Variants in GLIS3 observed in about 807,000 individuals in gnomAD.
GLIS3 encodes the protein zinc finger protein GLIS3.
In GLIS3, 53 loss-of-function variants were observed where a neutral mutation model predicts 78.6. That is an observed-to-expected ratio of 0.67 (90% CI 0.54 to 0.85). The LOEUF (loss-of-function observed/expected upper bound fraction) is 0.85, where lower values mean the gene tolerates loss of function less well. Ranked by LOEUF, GLIS3 falls within the 40% of genes least tolerant of loss-of-function variation. GLIS3 has a pLI of 0.00. For synonymous variants in GLIS3, 684 were observed against 509.9 expected (o/e 1.34, Z -4.60); for missense variants, 1,703 against 1,231.1 (o/e 1.38, Z -5.74).
At chr9:4,262,653 T>C (rs1291698890) in intron 2 of GLIS3, among the ~76,000 whole-genome samples, 1 of 152,148 alleles carries the variant, frequency 6.6e-6, no homozygotes, top group African/African-American at 2.4e-5. Context: ...TTTATTTCAT[T>C]CTTATATAGC....
chr9:4,146,271 T>C (rs1362770169), intron 2 of GLIS3, among the ~76,000 whole-genome samples: 2 of 152,174 alleles, frequency 1.3e-5, no homozygotes, highest in Non-Finnish European at 2.9e-5. Context: ...TTAATAAATA[T>C]CGATTATTTG....
chr9:4,163,262 ACACACACGCG>A (rs1372305537), intron 2 of GLIS3, among the ~76,000 whole-genome samples: 1 of 103,414 alleles, frequency 9.7e-6, no homozygotes, highest in African/African-American at 2.9e-5. Flanking sequence ...ACACACACAC[ACACACACGCG>A]CACGCGCGCA....
At chr9:4,343,700 C>T (rs2104768) in intron 2 of GLIS3, among the ~76,000 whole-genome samples, 85,440 of 152,162 alleles carry the variant, frequency 0.56, 24,666 homozygotes, top group African/African-American at 0.71. Context: ...AAAGAAAATG[C>T]GGTACATACA....
At chr9:4,096,423 C>G (rs1159173201) in intron 4 of GLIS3, among the ~76,000 whole-genome samples, 2 of 152,200 alleles carry the variant, frequency 1.3e-5, no homozygotes, top group South Asian at 4.1e-4. Flanking sequence ...TCATCCTGCA[C>G]ATAACTCCAG....
At chr9:4,287,312 G>A (rs529000373) in intron 1 of GLIS3, among the ~76,000 whole-genome samples, 1 of 152,196 alleles carries the variant, frequency 6.6e-6, no homozygotes, top group East Asian at 1.9e-4. Context: ...ATGACATTCA[G>A]TAAATCTACC....
chr9:4,429,807 G>C, the GLIS3 span, among the ~76,000 whole-genome samples: 1 of 152,152 alleles, frequency 6.6e-6, no homozygotes, highest in Non-Finnish European at 1.5e-5. Flanking sequence ...CCAAGGTGGA[G>C]ACTGATGCAG....
chr9:4,355,017 G>A, the GLIS3 span, among the ~76,000 whole-genome samples: 5 of 152,034 alleles, frequency 3.3e-5, no homozygotes, highest in African/African-American at 1.2e-4. Context: ...TCGGGAGGCT[G>A]AAGTGGGAGA....
At chr9:3,894,347 A>AACTT (rs1312157272) in intron 7 of GLIS3, among the ~76,000 whole-genome samples, 1 of 152,230 alleles carries the variant, frequency 6.6e-6, no homozygotes, top group East Asian at 1.9e-4. Context: ...ATAAATCTCT[A>AACTT]ACTTAATAAC....
chr9:4,263,286 G>A (rs981982204), intron 2 of GLIS3, among the ~76,000 whole-genome samples: 7 of 152,096 alleles, frequency 4.6e-5, no homozygotes, highest in East Asian at 1.9e-4. Context: ...GTGAGATCAC[G>A]TTTTTAAAAA....
the GLIS3 span, among the ~76,000 whole-genome samples, chr9:4,463,880 A>G: frequency 6.6e-6 from 1 of 152,190 alleles, no homozygotes; most frequent in African/African-American, 2.4e-5. Context: ...AGTCATTTGT[A>G]CGTGTGGTAT....
intron 4 of GLIS3, among the ~76,000 whole-genome samples, chr9:3,953,795 C>CTCTCTCTCTATATATATATATATA (rs1403671770): frequency 8.2e-5 from 6 of 73,338 alleles, no homozygotes; most frequent in African/African-American, 3.4e-4. Context: ...CTCTCTCTCT[C>CTCTCTCTCTATATATATATATATA]TATATATATA....
the GLIS3 span, among the ~76,000 whole-genome samples, chr9:4,451,142 G>C: frequency 6.6e-6 from 1 of 152,084 alleles, no homozygotes; most frequent in Non-Finnish European, 1.5e-5. Flanking sequence ...CAAAATAAAG[G>C]GATGGAGGAA....
rs144264321 is a variant in GLIS3 at position 3,831,372 on chromosome 9, C to T, written c.2474-1880G>A. Among the ~76,000 whole-genome samples the T allele has an allele frequency of 2.1e-3, 327 of 152,294 alleles. 1 individual carries two copies. Among genetic ancestry groups the T allele is most frequent in the African/African-American group, 7.4e-3 (308 of 41,556 alleles). ...TAATTGATCATCCAATATGAGCAAA[C>T]TGTAAACTCTCAAGCCCACAAAGAA... is the stretch of plus-strand genomic sequence containing the variant. On this transcript the variant is annotated intron_variant, in intron 9 of 10. Coordinates refer to ENST00000381971, the MANE Select transcript of GLIS3 (RefSeq NM_001042413.2).
intron 2 of GLIS3, among the ~76,000 whole-genome samples, chr9:4,190,238 T>C (rs915356437): frequency 1.3e-5 from 2 of 152,178 alleles, no homozygotes. Context: ...TACTCCGAGC[T>C]ACAGGAGGAA....
chr9:3,861,165 C>T (rs1820187021), intron 8 of GLIS3, among the ~76,000 whole-genome samples: 1 of 152,132 alleles, frequency 6.6e-6, no homozygotes, highest in African/African-American at 2.4e-5. Context: ...TCCCTGTGTT[C>T]GAGAGCTGTG....
chr9:4,454,507 C>A, the GLIS3 span, among the ~76,000 whole-genome samples: 1 of 152,158 alleles, frequency 6.6e-6, no homozygotes, highest in Non-Finnish European at 1.5e-5. Context: ...AGTCCAGGTC[C>A]CTTTGCCCTA....
rs1821040849 is a variant in GLIS3 at position 3,872,662 on chromosome 9, A to G, written c.2297+6765T>C. Among the ~76,000 whole-genome samples the G allele has an allele frequency of 5.9e-5, 9 of 152,204 alleles. No individual in the cohort carries two copies. In the South Asian group the frequency reaches 1.9e-3, roughly 32 times the overall value. ...CATCCCGATGATTCAATTATCTCCC[A>G]ACAGATCCCTCCCACAACACGTAGG... On this transcript the variant is annotated intron_variant, in intron 8 of 10. Transcript: ENST00000381971.
chr9:3,848,443 C>T (rs983537829), intron 9 of GLIS3, among the ~76,000 whole-genome samples: 4 of 152,152 alleles, frequency 2.6e-5, no homozygotes, highest in African/African-American at 7.2e-5. Context: ...CGGAGGTTGC[C>T]GTGAGCCGAG....
intron 2 of GLIS3, among the ~76,000 whole-genome samples, chr9:4,220,722 C>T (rs563578945): frequency 4.0e-5 from 6 of 151,320 alleles, no homozygotes; most frequent in African/African-American, 1.5e-4. Context: ...TAAGTGAGAC[C>T]CCATTTCAAA....
Sources: gnomAD v4.1 joint callset for allele counts (sites outside exome capture counted in the v4.1 genomes callset) on GRCh38, gnomAD v4.1.1 for gene constraint, MANE v1.5 for transcripts, NCBI Gene and HGNC (gene_info 2026-07-23, HGNC 2026-07-21) for gene names.